Variants in CTNNA3 observed in about 807,000 individuals in gnomAD.
CTNNA3 encodes the protein catenin alpha 3.
CTNNA3 carries 76 observed loss-of-function variants against 95.7 expected under a neutral mutation model. That is an observed-to-expected ratio of 0.79 (90% CI 0.66 to 0.96). The LOEUF (loss-of-function observed/expected upper bound fraction) is 0.96. Among genes scored for constraint, CTNNA3 ranks in the 40% least tolerant of loss-of-function variants. The pLI, the probability that CTNNA3 is intolerant of heterozygous loss-of-function variation, is 0.00. For missense variants in CTNNA3, 1,191 were observed against 1,089.8 expected (o/e 1.09, Z -1.31); for synonymous variants, 431 against 374.4 (o/e 1.15, Z -1.74).
intron 9 of CTNNA3, among the ~76,000 whole-genome samples, chr10:66,687,722 CACACACACACAT>C (rs1847351073): frequency 9.5e-6 from 1 of 105,396 alleles, no homozygotes; most frequent in Admixed American, 8.4e-5. Flanking sequence ...TATATATACA[CACACACACACAT>C]ACACACACAC....
chr10:66,836,523 C>T (rs553666715), intron 7 of CTNNA3, among the ~76,000 whole-genome samples: 8 of 152,164 alleles, frequency 5.3e-5, no homozygotes, highest in Middle Eastern at 3.4e-3. Flanking sequence ...CACTAGAAAA[C>T]GGGATACCAT....
rs187883479 is a variant in CTNNA3, at chr10:66,439,312, A to T, written c.1532-59960T>A. 2.0e-4 allele frequency among the ~76,000 whole-genome samples: 31 copies of T among 152,236 alleles called. No individual in the cohort carries two copies. The East Asian group carries it at 6.0e-3, about 29-fold the overall frequency. On this transcript the variant is annotated intron_variant, in intron 11 of 17. Coordinates refer to ENST00000433211, the MANE Select transcript of CTNNA3 (RefSeq NM_013266.4). ...ATTTATATTTTCTAATCTTTTTCTT[A>T]AAAAAAGGATACTATTTACATCATC...
chr10:67,593,991 C>G (rs550800196), intron 3 of CTNNA3, among the ~76,000 whole-genome samples: 38 of 152,144 alleles, frequency 2.5e-4, no homozygotes, highest in African/African-American at 7.5e-4. Context: ...TTATTGAAAG[C>G]CTTTTCTGTA....
chr10:67,517,912 T>C (rs1341629959), intron 5 of CTNNA3, among the ~76,000 whole-genome samples: 1 of 152,162 alleles, frequency 6.6e-6, no homozygotes, highest in Non-Finnish European at 1.5e-5. Context: ...TCCATATCCT[T>C]ATGGAACTTA....
intron 7 of CTNNA3, among the ~76,000 whole-genome samples, chr10:67,069,124 T>A (rs1467466000): frequency 6.6e-6 from 1 of 151,936 alleles, no homozygotes; most frequent in African/African-American, 2.4e-5. Context: ...AGAAGTGGCA[T>A]GAGTTTAAGA....
intron 11 of CTNNA3, among the ~76,000 whole-genome samples, chr10:66,404,974 A>C (rs2093046503): frequency 6.6e-6 from 1 of 152,214 alleles, no homozygotes; most frequent in Non-Finnish European, 1.5e-5. Flanking sequence ...TCCTAAAGCC[A>C]GGGCGAGTTT....
chr10:67,142,749 C>T (rs1053445441), intron 7 of CTNNA3, among the ~76,000 whole-genome samples: 3 of 152,032 alleles, frequency 2.0e-5, no homozygotes, highest in Admixed American at 6.5e-5. Flanking sequence ...TTGGCCAACA[C>T]GGTGAAACCC....
At chr10:67,045,311 T>C (rs1234816986) in intron 7 of CTNNA3, among the ~76,000 whole-genome samples, 1 of 152,218 alleles carries the variant, frequency 6.6e-6, no homozygotes, top group African/African-American at 2.4e-5. Context: ...GAGTCCATGA[T>C]ATACTTTAAA....
rs76110283 is a variant in CTNNA3 at position 66,243,463 on chromosome 10, A to C, written c.1884+37007T>G. Among the ~76,000 whole-genome samples the C allele has an allele frequency of 8.5e-3, 1,301 of 152,294 alleles. 21 individuals carry two copies. Among genetic ancestry groups the C allele is most frequent in the African/African-American group, 0.03 (1,240 of 41,566 alleles). On this transcript the variant is annotated intron_variant, in intron 13 of 17. Transcript: ENST00000433211. ...AGAAATTTGGTCTCCCAAACCCCTT[A>C]TCTTAACCCAGACATTCCTTTTTTT...
chr10:66,534,050 T>C (rs9663743), intron 10 of CTNNA3, among the ~76,000 whole-genome samples: 6,164 of 152,310 alleles, frequency 0.04, 201 homozygotes, highest in Middle Eastern at 0.075. Flanking sequence ...TTCTAAAGAT[T>C]ATTCCAAGTG....
chr10:67,617,373 C>A (rs573010306), intron 2 of CTNNA3, among the ~76,000 whole-genome samples: 2 of 152,064 alleles, frequency 1.3e-5, no homozygotes, highest in Admixed American at 6.6e-5. Context: ...TCTGTTCCTG[C>A]ATTAGTTTGC....
At chr10:66,098,228 T>C (rs922726421) in intron 14 of CTNNA3, among the ~76,000 whole-genome samples, 7 of 152,216 alleles carry the variant, frequency 4.6e-5, no homozygotes, top group African/African-American at 1.7e-4. Context: ...GACTCTATAA[T>C]GCTGGCTGTT....
chr10:65,962,924 T>C (rs2133245891), intron 17 of CTNNA3, among the ~76,000 whole-genome samples: 1 of 152,310 alleles, frequency 6.6e-6, no homozygotes, highest in South Asian at 2.1e-4. Flanking sequence ...CCATGGTGTA[T>C]ATGTGCCACA....
At position 67,040,987 on chromosome 10, in the gene CTNNA3, CT is replaced by C. The variant is rs200375206; in HGVS notation, c.1047+139329del. Among the ~76,000 whole-genome samples the C allele has an allele frequency of 4.0e-3, 614 of 151,820 alleles. 6 individuals carry two copies. The highest frequency in any genetic ancestry group is 0.014 in the African/African-American group (569 of 41,420). Reference sequence around the variant, plus strand: ...AATAAGGTGATATAAGCATTTTATACTTTTTTTTAGATTTAGAAATATTACA... The same window carrying C: ...AATAAGGTGATATAAGCATTTTATACTTTTTTTAGATTTAGAAATATTACA... On this transcript the variant is annotated intron_variant, in intron 7 of 17. Coordinates refer to ENST00000433211, the MANE Select transcript of CTNNA3 (RefSeq NM_013266.4).
In CTNNA3 at chr10:66,496,327, A is replaced by AAAATG. The variant is rs1406502225; in HGVS notation, c.1531+24289_1531+24290insCATTT. On this transcript the variant is annotated intron_variant, in intron 11 of 17. Coordinates refer to ENST00000433211, the MANE Select transcript of CTNNA3 (RefSeq NM_013266.4). The stretch of plus-strand genomic sequence containing the variant: ...GACTGAACTATTGGGTACACAAAAT[A>AAAATG]ATGTTCTAAAAGTTGTATTTTAAAA... 2.0e-5 allele frequency among the ~76,000 whole-genome samples: 3 copies of AAAATG among 152,256 alleles called. No homozygotes were observed. The East Asian group carries it at 5.8e-4, about 29-fold the overall frequency.
intron 1 of CTNNA3, among the ~76,000 whole-genome samples, chr10:67,686,920 T>C (rs1840743041): frequency 6.6e-6 from 1 of 152,128 alleles, no homozygotes; most frequent in African/African-American, 2.4e-5. Context: ...AACAAATGGG[T>C]AACTTGTTCC....
At chr10:65,977,105 G>A (rs767733521) in intron 16 of CTNNA3, among the ~76,000 whole-genome samples, 1 of 152,050 alleles carries the variant, frequency 6.6e-6, no homozygotes, top group Non-Finnish European at 1.5e-5. Context: ...CTTTACTGTT[G>A]TTTCTCAAGT....
chr10:66,926,313 A>G lies in CTNNA3; in HGVS notation c.1048-150789T>C, dbSNP rs796739889. The G allele has an allele frequency of 1.3e-5, 7 of 551,498 alleles. No homozygotes were observed. The African/African-American group carries it at 1.3e-4, about 11-fold the overall frequency. The allele number at this position is 551,498 out of a possible 1,614,324, so 34.2% of individuals were successfully genotyped here. On this transcript the variant is annotated intron_variant, in intron 7 of 17. Coordinates refer to ENST00000433211, the MANE Select transcript of CTNNA3 (RefSeq NM_013266.4). ...CCCCCCAAAAAACTGTAAAGATGCA[A>G]AAACGTAATATCCATGAAGATCCTA...
chr10:66,239,081 G>A (rs149137223), intron 13 of CTNNA3, among the ~76,000 whole-genome samples: 4,209 of 151,686 alleles, frequency 0.028, 88 homozygotes, highest in Middle Eastern at 0.08. Flanking sequence ...TTAAGCAATG[G>A]CAAAGGAAAA....
Sources: allele counts gnomAD v4.1 joint callset (sites outside exome capture counted in the v4.1 genomes callset), GRCh38; gene constraint gnomAD v4.1.1; transcripts MANE v1.5; gene names NCBI Gene and HGNC (gene_info 2026-07-23, HGNC 2026-07-21).